ICA1L: variants seen among roughly 807,000 people sequenced by gnomAD.
ICA1L encodes islet cell autoantigen 1-like protein.
ICA1L carries 50 observed loss-of-function variants against 61.3 expected under a neutral mutation model. That is an observed-to-expected ratio of 0.82 (90% CI 0.65 to 1.03). The LOEUF is 1.03. Among genes scored for constraint, ICA1L ranks in the 50% least tolerant of loss-of-function variants. The pLI, the probability that ICA1L is intolerant of heterozygous loss-of-function variation, is 0.00. For synonymous variants in ICA1L, 161 were observed against 191.3 expected (o/e 0.84, Z 1.31); for missense variants, 508 against 556.7 (o/e 0.91, Z 0.88).
At chr2:202,824,892 T>C (rs1184537593) in intron 3 of ICA1L, among the ~76,000 whole-genome samples, 1 of 152,080 alleles carries the variant, frequency 6.6e-6, no homozygotes, top group African/African-American at 2.4e-5. Context: ...AGAAAGTGTA[T>C]CAAGGAATAG....
intron 1 of ICA1L, among the ~76,000 whole-genome samples, chr2:202,834,436 G>A (rs183007609): frequency 6.6e-5 from 10 of 152,116 alleles, no homozygotes; most frequent in African/African-American, 2.2e-4. Context: ...CAAGACCAGC[G>A]TGGGCAACAT....
chr2:202,774,218 G>A lies in ICA1L; in HGVS notation c.*5315C>T. ...GAACTCCAGCAGCGCCGGATCGAAG[G>A]CGCGGGGCGGCTCCTGAGTCTTCTC... On this transcript the variant is annotated 3_prime_UTR_variant, in exon 13 of 13. Coordinates refer to ENST00000358299, the MANE Select transcript of ICA1L (RefSeq NM_001288622.3). 1 of 1,550,322 alleles carries A rather than the reference G, an allele frequency of 6.5e-7. No homozygotes were observed. The highest frequency in any genetic ancestry group is 8.7e-7 in the Non-Finnish European group (1 of 1,146,486).
At chr2:202,811,425 T>C (rs763427956) in intron 9 of ICA1L, among the ~76,000 whole-genome samples, 1 of 151,656 alleles carries the variant, frequency 6.6e-6, no homozygotes, top group Non-Finnish European at 1.5e-5. Flanking sequence ...GAGGCCGAGG[T>C]GGGCGGATCG....
At chr2:202,805,432 T>TAAAG (rs202026708) in intron 9 of ICA1L, among the ~76,000 whole-genome samples, 32 of 151,858 alleles carry the variant, frequency 2.1e-4, no homozygotes, top group Admixed American at 1.9e-3. Flanking sequence ...AATATAGCCT[T>TAAAG]AAAGAAAGAA....
At chr2:202,847,703 A>ATATATATATATATATATATGTATATG (rs11274512) in intron 1 of ICA1L, among the ~76,000 whole-genome samples, 1 of 131,234 alleles carries the variant, frequency 7.6e-6, no homozygotes, top group African/African-American at 2.9e-5. Flanking sequence ...AATTATATAT[A>ATATATATATATATATATATGTATATG]TATATAGTTA....
At chr2:202,811,036 G>T (rs1175648639) in intron 9 of ICA1L, among the ~76,000 whole-genome samples, 1 of 152,146 alleles carries the variant, frequency 6.6e-6, no homozygotes, top group African/African-American at 2.4e-5. Context: ...GTCTCACCCT[G>T]CCTCCATTTA....
At chr2:202,846,732 G>GTCAT (rs10587796) in intron 1 of ICA1L, among the ~76,000 whole-genome samples, 41 of 151,392 alleles carry the variant, frequency 2.7e-4, no homozygotes, top group African/African-American at 5.8e-4. Context: ...CCAAAAGTGA[G>GTCAT]TCATTCATTC....
At chr2:202,860,733 G>A (rs1238545252) in intron 1 of ICA1L, among the ~76,000 whole-genome samples, 2 of 151,940 alleles carry the variant, frequency 1.3e-5, no homozygotes, top group African/African-American at 4.8e-5. Context: ...GCTTAGGCAA[G>A]GGAGAAAGAC....
intron 3 of ICA1L, among the ~76,000 whole-genome samples, chr2:202,823,298 T>A (rs918935682): frequency 3.3e-5 from 5 of 152,176 alleles, no homozygotes; most frequent in Non-Finnish European, 7.3e-5. Flanking sequence ...ATTTGTCTGA[T>A]GTTACTCCCA....
At chr2:202,787,125 G>A (rs1692612333) in intron 11 of ICA1L, among the ~76,000 whole-genome samples, 1 of 152,160 alleles carries the variant, frequency 6.6e-6, no homozygotes, top group South Asian at 2.1e-4. Context: ...GTCGAGTTCT[G>A]CACAAAGAGG....
At chr2:202,862,272 CAAAAAAAAAAAAAAAAAAA>C (rs778355110) in intron 1 of ICA1L, among the ~76,000 whole-genome samples, 21 of 62,976 alleles carry the variant, frequency 3.3e-4, no homozygotes, top group Non-Finnish European at 2.9e-4. Context: ...CTCATTTCTA[CAAAAAAAAAAAAAAAAAAA>C]AAAAAAAAAA....
intron 9 of ICA1L, among the ~76,000 whole-genome samples, chr2:202,799,049 T>C (rs1693019908): frequency 6.6e-6 from 1 of 152,246 alleles, no homozygotes; most frequent in African/African-American, 2.4e-5. Context: ...GTTGATTCTA[T>C]ATCCTTGCTA....
At position 202,774,543 on chromosome 2, in the gene ICA1L, G is replaced by GA. The variant is rs1692159191; in HGVS notation, c.*4989dup. 3 of 399,416 alleles carry GA rather than the reference G, an allele frequency of 7.5e-6. No homozygotes were observed. The highest frequency in any genetic ancestry group is 6.7e-4 in the Middle Eastern group (1 of 1,484). The allele number at this position is 399,416 out of a possible 1,614,324, so 24.7% of individuals were successfully genotyped here. ...AAGAGATATCACAGGAGAGACACAG[G>GA]AAAAAAAGTTGTAATATACTCACAG... is the stretch of plus-strand genomic sequence containing the variant. On this transcript the variant is annotated 3_prime_UTR_variant, in exon 13 of 13. Transcript: ENST00000358299.
intron 1 of ICA1L, chr2:202,841,065 A>G (rs1694316624): frequency 1.6e-6 from 1 of 639,820 alleles, no homozygotes; most frequent in African/African-American, 1.8e-5. Context: ...TGTGTCCAAG[A>G]TCTGGGACTG....
At chr2:202,825,661 G>C in intron 3 of ICA1L, 34 bp downstream of exon 3, 1 of 1,386,122 alleles carries the variant, frequency 7.2e-7, no homozygotes. Flanking sequence ...TATTTTAAAT[G>C]GGGATTATCA....
rs968892906 is a variant in ICA1L, at chr2:202,787,350, G to A, written c.1244-1343C>T. On this transcript the variant is annotated intron_variant, in intron 11 of 12. Coordinates refer to ENST00000358299, the MANE Select transcript of ICA1L (RefSeq NM_001288622.3). ...AAAGTTCAGTGCTGCTAGAAACGTG[G>A]CAAGTTATGGAGGAAGAGGGAGGAG... is the stretch of plus-strand genomic sequence containing the variant. 3.9e-5 allele frequency among the ~76,000 whole-genome samples: 6 copies of A among 152,316 alleles called. No individual in the cohort carries two copies. In the South Asian group the frequency reaches 1.2e-3, roughly 32 times the overall value.
At position 202,774,346 on chromosome 2, in the gene ICA1L, G is replaced by A. The variant is rs1418447115; in HGVS notation, c.*5187C>T. 20 of 1,383,590 alleles carry A rather than the reference G, an allele frequency of 1.4e-5. No individual in the cohort carries two copies. Among genetic ancestry groups the A allele is most frequent in the Non-Finnish European group, 1.9e-5 (20 of 1,076,464 alleles). The allele number at this position is 1,383,590 out of a possible 1,614,324, so 85.7% of individuals were successfully genotyped here. A position where few individuals can be genotyped will look rare whatever the true frequency, so the allele number is the denominator to read the frequency against. On this transcript the variant is annotated 3_prime_UTR_variant, in exon 13 of 13. Coordinates refer to ENST00000358299, the MANE Select transcript of ICA1L (RefSeq NM_001288622.3). The stretch of plus-strand genomic sequence containing the variant: ...CCCGCAGCGCTGAGGCGAGCCTGCC[G>A]CGCGCTCCGCTCAGCGTGGTCTGGC...
At chr2:202,869,097 C>T (rs1416252321) in intron 1 of ICA1L, among the ~76,000 whole-genome samples, 2 of 152,118 alleles carry the variant, frequency 1.3e-5, no homozygotes, top group Non-Finnish European at 2.9e-5. Context: ...TGGTGGCTCA[C>T]GCCTGTAATC....
At chr2:202,825,827 G>A (rs147006584) in intron 2 of ICA1L, 60 bp from the exon 3 acceptor site, 2 of 989,702 alleles carry the variant, frequency 2.0e-6, no homozygotes, top group African/African-American at 1.7e-5. Context: ...TATGTTATAA[G>A]CACCCCAAAA....
Sources: allele counts gnomAD v4.1 joint callset (sites outside exome capture counted in the v4.1 genomes callset), GRCh38; gene constraint gnomAD v4.1.1; transcripts MANE v1.5; gene names NCBI Gene and HGNC (gene_info 2026-07-23, HGNC 2026-07-21).